Variants in GNA14 observed in about 807,000 individuals in gnomAD.
GNA14 encodes the protein G protein subunit alpha 14.
A neutral mutation model predicts 42.0 loss-of-function variants in GNA14; 50 were observed. The observed-to-expected ratio is 1.19, with a 90% CI of 0.95 to 1.51. GNA14 has a LOEUF of 1.51. Ranked by LOEUF, GNA14 falls within the 40% of genes most tolerant of loss-of-function variation. GNA14 has a pLI of 0.00. For missense variants in GNA14, 473 were observed against 446.2 expected (o/e 1.06, Z -0.54); for synonymous variants, 173 against 163.1 (o/e 1.06, Z -0.46).
intron 1 of GNA14, among the ~76,000 whole-genome samples, chr9:77,591,978 G>A (rs766094371): frequency 4.7e-5 from 7 of 149,762 alleles, no homozygotes; most frequent in Admixed American, 1.3e-4. Context: ...GCAGTGGCGC[G>A]ATCTCAGCTC....
Position 77,590,897 on chromosome 9 carries a change from CAT to C in GNA14, c.124+56771_124+56772del, listed in dbSNP as rs1823381484. On this transcript the variant is annotated intron_variant, in intron 1 of 6. Coordinates refer to ENST00000341700, the MANE Select transcript of GNA14 (RefSeq NM_004297.4). Reference sequence around the variant, plus strand: ...AGGATGACATGTCACACACATTAGACATATTTTTATTTTAAAATTGCTATTAC... The same window carrying C: ...AGGATGACATGTCACACACATTAGACATTTTTATTTTAAAATTGCTATTAC... 2.6e-5 allele frequency among the ~76,000 whole-genome samples: 4 copies of C among 152,162 alleles called. No individual in the cohort carries two copies. The South Asian group carries it at 8.3e-4, about 32-fold the overall frequency.
At chr9:77,494,276 A>G (rs978085610) in intron 2 of GNA14, among the ~76,000 whole-genome samples, 2 of 152,192 alleles carry the variant, frequency 1.3e-5, no homozygotes, top group Admixed American at 1.3e-4. Context: ...CTATGCTCCA[A>G]ATATTATTAA....
At chr9:77,510,377 C>A (rs576592587) in intron 2 of GNA14, among the ~76,000 whole-genome samples, 2 of 152,118 alleles carry the variant, frequency 1.3e-5, no homozygotes, top group African/African-American at 4.8e-5. Flanking sequence ...GCTCTGTCAC[C>A]CAGGCTGGAC....
At chr9:77,535,401 G>A (rs1406373017) in intron 1 of GNA14, among the ~76,000 whole-genome samples, 2 of 152,088 alleles carry the variant, frequency 1.3e-5, no homozygotes, top group African/African-American at 2.4e-5. Context: ...AAAATTAGCC[G>A]GGTGTGGTGG....
At chr9:77,452,596 G>GTATGTGTGTGGTGT (rs1564018331) in intron 2 of GNA14, among the ~76,000 whole-genome samples, 1 of 1,824 alleles carries the variant, frequency 5.5e-4, no homozygotes, top group African/African-American at 1.1e-3. Context: ...GTGTGTGTGT[G>GTATGTGTGTGGTGT]GTGTGTATGT....
At chr9:77,479,079 A>G (rs1189550477) in intron 2 of GNA14, among the ~76,000 whole-genome samples, 2 of 152,120 alleles carry the variant, frequency 1.3e-5, no homozygotes, top group Non-Finnish European at 2.9e-5. Flanking sequence ...TTGGTGTTTT[A>G]GACATGAAGT....
rs67044542 is a variant in GNA14, at chr9:77,603,956, C to CAAAAAAAAAAAAAAA, written c.124+43699_124+43713dup. On this transcript the variant is annotated intron_variant, in intron 1 of 6. Transcript: ENST00000341700. ...AAGACTCCATCTCAAAAAAAAAAAA[C>CAAAAAAAAAAAAAAA]AAAAAAAAAAAAAAAAAAAAAAAAA... 8.4e-3 allele frequency among the ~76,000 whole-genome samples: 683 copies of CAAAAAAAAAAAAAAA among 81,584 alleles called. 5 individuals carry two copies. The highest frequency in any genetic ancestry group is 0.017 in the Middle Eastern group (1 of 60). The allele number at this position is 81,584 out of a possible 152,430, so 53.5% of individuals were successfully genotyped here.
intron 1 of GNA14, among the ~76,000 whole-genome samples, chr9:77,540,832 A>G (rs1302517647): frequency 6.6e-6 from 1 of 151,744 alleles, no homozygotes; most frequent in African/African-American, 2.4e-5. Context: ...CTTTATTGTG[A>G]GTTTATGTGT....
chr9:77,570,092 T>C (rs1289017901), intron 1 of GNA14, among the ~76,000 whole-genome samples: 1 of 152,190 alleles, frequency 6.6e-6, no homozygotes, highest in Non-Finnish European at 1.5e-5. Flanking sequence ...CCACACATTT[T>C]AGGACCAAGA....
chr9:77,485,098 C>A (rs902300578), intron 2 of GNA14, among the ~76,000 whole-genome samples: 1 of 152,116 alleles, frequency 6.6e-6, no homozygotes, highest in Non-Finnish European at 1.5e-5. Context: ...TAAAAGACTT[C>A]GTGTCATGTG....
chr9:77,476,489 T>A (rs1012348790), intron 2 of GNA14, among the ~76,000 whole-genome samples: 1 of 151,804 alleles, frequency 6.6e-6, no homozygotes. Context: ...CACACAGGAG[T>A]GTAGAGGGTC....
intron 1 of GNA14, among the ~76,000 whole-genome samples, chr9:77,591,440 G>T (rs967307707): frequency 6.6e-6 from 1 of 152,142 alleles, no homozygotes; most frequent in Admixed American, 6.5e-5. Flanking sequence ...CACCAGAGGG[G>T]CCAACTATCC....
intron 2 of GNA14, among the ~76,000 whole-genome samples, chr9:77,482,207 T>C (rs1030150601): frequency 3.9e-5 from 6 of 152,206 alleles, no homozygotes; most frequent in Non-Finnish European, 7.3e-5. Context: ...CTTTCCATGT[T>C]TAGTGCTTCC....
intron 1 of GNA14, among the ~76,000 whole-genome samples, chr9:77,627,920 G>A (rs377109603): frequency 1.3e-5 from 2 of 152,112 alleles, no homozygotes; most frequent in African/African-American, 4.8e-5. Context: ...AGAAAAAAAG[G>A]GTATTCAAAT....
intron 1 of GNA14, among the ~76,000 whole-genome samples, chr9:77,607,270 C>T (rs545558308): frequency 7.9e-5 from 12 of 152,180 alleles, no homozygotes; most frequent in African/African-American, 2.4e-4. Context: ...CTCACACAGA[C>T]GAGAGATGCC....
intron 2 of GNA14, among the ~76,000 whole-genome samples, chr9:77,469,539 A>T (rs556116131): frequency 0.014 from 2,052 of 151,790 alleles, 29 homozygotes; most frequent in Middle Eastern, 0.02. Flanking sequence ...ACAACCAAAA[A>T]AAAAAAAAGT....
chr9:77,452,594 G>A (rs1274499379), intron 2 of GNA14, among the ~76,000 whole-genome samples: 1 of 622 alleles, frequency 1.6e-3, no homozygotes, highest in Non-Finnish European at 3.1e-3. Context: ...ATGTGTGTGT[G>A]TGGTGTGTAT....
chr9:77,647,940 T>C lies in GNA14; in HGVS notation c.-147A>G, dbSNP rs1324821443. The C allele has an allele frequency of 4.5e-6, 4 of 896,970 alleles. No homozygotes were observed. Among genetic ancestry groups the C allele is most frequent in the Non-Finnish European group, 6.6e-6 (4 of 602,500 alleles). 55.6% of individuals were successfully genotyped at this position (896,970 alleles called of 1,614,324 possible). A position where few individuals can be genotyped will look rare whatever the true frequency, so the allele number is the denominator to read the frequency against. ...GACTTGAGCTTTGGAGTAAGACGCC[T>C]GGACCTCCGAGGCTCAATCCCCCTT... is the stretch of plus-strand genomic sequence containing the variant. On this transcript the variant is annotated 5_prime_UTR_variant, in exon 1 of 7. Coordinates refer to ENST00000341700, the MANE Select transcript of GNA14 (RefSeq NM_004297.4).
At position 77,423,948 on chromosome 9, in the gene GNA14, TC is replaced by T; in HGVS notation, c.*30del. On this transcript the variant is annotated 3_prime_UTR_variant, in exon 7 of 7. Coordinates refer to ENST00000341700, the MANE Select transcript of GNA14 (RefSeq NM_004297.4). ...AACAAGGAGTTTGCAAATCACATCT[TC>T]TGTTATAGGGGAGGAGTGGGCAGCA... 6.8e-7 allele frequency: 1 copy of T among 1,481,342 alleles called. No homozygotes were observed. Among genetic ancestry groups the T allele is most frequent in the South Asian group, 1.4e-5 (1 of 72,872 alleles). 91.8% of individuals were successfully genotyped at this position (1,481,342 alleles called of 1,614,324 possible).
Sources: gnomAD v4.1 joint callset for allele counts (sites outside exome capture counted in the v4.1 genomes callset) on GRCh38, gnomAD v4.1.1 for gene constraint, MANE v1.5 for transcripts, NCBI Gene and HGNC (gene_info 2026-07-23, HGNC 2026-07-21) for gene names.